Variants in SLC14A2 observed in about 807,000 individuals in gnomAD.
The protein encoded by SLC14A2 is urea transporter 2.
A neutral mutation model predicts 104.6 loss-of-function variants in SLC14A2; 91 were observed. The ratio of observed to expected loss-of-function variants is 0.87; its 90% CI spans 0.73 to 1.04. The LOEUF is 1.04. Ranked by LOEUF, SLC14A2 falls within the 50% of genes least tolerant of loss-of-function variation. The pLI is 0.00. For synonymous variants in SLC14A2, 476 were observed against 466.4 expected (o/e 1.02, Z -0.27); for missense variants, 1,189 against 1,156.0 (o/e 1.03, Z -0.41).
intron 1 of SLC14A2, among the ~76,000 whole-genome samples, chr18:45,297,278 G>A (rs1040242354): frequency 1.3e-5 from 2 of 152,186 alleles, no homozygotes; most frequent in African/African-American, 2.4e-5. Context: ...TTGATATGTT[G>A]TCTAATTCAG....
intron 1 of SLC14A2, among the ~76,000 whole-genome samples, chr18:45,359,514 G>C (rs1345266232): frequency 6.6e-6 from 1 of 152,160 alleles, no homozygotes; most frequent in Non-Finnish European, 1.5e-5. Flanking sequence ...GGCTCTCAAG[G>C]GCACACCTCT....
intron 1 of SLC14A2, among the ~76,000 whole-genome samples, chr18:45,239,083 T>C (rs1599602738): frequency 6.6e-6 from 1 of 152,288 alleles, no homozygotes; most frequent in East Asian, 1.9e-4. Flanking sequence ...CTACCGGGAA[T>C]GTTGGCCAAT....
rs547206990 is a variant in SLC14A2 at position 45,274,631 on chromosome 18, T to G, written c.-125+61440T>G. Among the ~76,000 whole-genome samples, 3 of 152,374 alleles carry G rather than the reference T, an allele frequency of 2.0e-5. No homozygotes were observed. In the East Asian group the frequency reaches 5.8e-4, roughly 29 times the overall value. On this transcript the variant is annotated intron_variant, in intron 1 of 20. Transcript: ENST00000586448. Reference sequence around the variant, plus strand: ...TTCTTACTTTCTCAAGGCAGGATACTGCCAGTCAACAGATGTCTGGGTTGG... The same window carrying G: ...TTCTTACTTTCTCAAGGCAGGATACGGCCAGTCAACAGATGTCTGGGTTGG...
chr18:45,404,592 A>C (rs779370849), intron 1 of SLC14A2, among the ~76,000 whole-genome samples: 1 of 152,184 alleles, frequency 6.6e-6, no homozygotes, highest in Non-Finnish European at 1.5e-5. Context: ...ACATCTTCCC[A>C]AGGCACATAC....
intron 2 of SLC14A2, among the ~76,000 whole-genome samples, chr18:45,495,726 A>T (rs186451377): frequency 5.3e-5 from 8 of 152,274 alleles, no homozygotes; most frequent in Admixed American, 5.2e-4. Flanking sequence ...TTCTCGAGGG[A>T]TTTAGGTCAC....
intron 1 of SLC14A2, among the ~76,000 whole-genome samples, chr18:45,306,638 C>G (rs930925677): frequency 6.6e-6 from 1 of 152,164 alleles, no homozygotes; most frequent in Non-Finnish European, 1.5e-5. Context: ...ATTTGGCCAA[C>G]GGTCATAGTC....
the SLC14A2 span, among the ~76,000 whole-genome samples, chr18:45,181,752 G>T: frequency 1.3e-5 from 2 of 152,034 alleles, no homozygotes; most frequent in Admixed American, 1.3e-4. Flanking sequence ...ACATCAAAAT[G>T]TATTTGAAAC....
At chr18:45,612,459 C>T (rs2044988395), upstream of SLC14A2, among the ~76,000 whole-genome samples, 1 of 152,230 alleles carries the variant, frequency 6.6e-6, no homozygotes, top group Admixed American at 6.5e-5. Flanking sequence ...GACACACCCA[C>T]ATGAATACAT....
chr18:45,530,890 C>G (rs1246625741), intron 2 of SLC14A2, among the ~76,000 whole-genome samples: 1 of 152,054 alleles, frequency 6.6e-6, no homozygotes, highest in Non-Finnish European at 1.5e-5. Flanking sequence ...TGATGTTCCC[C>G]TTCCTATGTC....
At chr18:45,413,982 A>C (rs1349678717) in intron 1 of SLC14A2, among the ~76,000 whole-genome samples, 1 of 152,234 alleles carries the variant, frequency 6.6e-6, no homozygotes, top group African/African-American at 2.4e-5. Flanking sequence ...GTGGAGGTCT[A>C]TATTTGAAGA....
chr18:45,590,984 T>C (rs1478826678), intron 2 of SLC14A2, among the ~76,000 whole-genome samples: 1 of 152,208 alleles, frequency 6.6e-6, no homozygotes, highest in Non-Finnish European at 1.5e-5. Flanking sequence ...AGCCAGTATG[T>C]GAACCTCAGC....
chr18:45,662,940 A>G (rs1309777588), intron 10 of SLC14A2, among the ~76,000 whole-genome samples: 3 of 152,040 alleles, frequency 2.0e-5, no homozygotes, highest in Admixed American at 1.3e-4. Flanking sequence ...AGATAATTCA[A>G]TGCTGTCAGT....
intron 5 of SLC14A2, chr18:45,634,887 T>C (rs1353007676): frequency 2.2e-6 from 1 of 456,896 alleles, no homozygotes; most frequent in East Asian, 6.9e-5. Context: ...TAATCCACAA[T>C]TGTCTGCTAC....
intron 1 of SLC14A2, among the ~76,000 whole-genome samples, chr18:45,282,908 T>C (rs985499191): frequency 3.3e-5 from 5 of 152,202 alleles, no homozygotes; most frequent in Non-Finnish European, 7.3e-5. Flanking sequence ...CCCTTTGTGA[T>C]TGTACTGAGT....
chr18:45,466,037 G>A (rs546442790), intron 1 of SLC14A2, among the ~76,000 whole-genome samples: 2 of 152,214 alleles, frequency 1.3e-5, no homozygotes, highest in African/African-American at 4.8e-5. Flanking sequence ...TATCAGCCAT[G>A]CCCCACAAGG....
intron 1 of SLC14A2, among the ~76,000 whole-genome samples, chr18:45,266,620 C>A (rs543984061): frequency 1.3e-5 from 2 of 152,220 alleles, no homozygotes; most frequent in South Asian, 4.1e-4. Flanking sequence ...CTTTTATGGC[C>A]ATAATGCTGT....
intron 2 of SLC14A2, among the ~76,000 whole-genome samples, chr18:45,575,001 C>T (rs1288761223): frequency 6.6e-6 from 1 of 152,216 alleles, no homozygotes; most frequent in Non-Finnish European, 1.5e-5. Context: ...CAAGGAGGAG[C>T]TCTGTCCACA....
intron 1 of SLC14A2, among the ~76,000 whole-genome samples, chr18:45,417,141 C>T (rs1474895822): frequency 6.6e-6 from 1 of 152,226 alleles, no homozygotes; most frequent in Non-Finnish European, 1.5e-5. Context: ...TATTTATCAG[C>T]AGAGAGGTTT....
At chr18:45,385,453 A>G (rs187373851) in intron 1 of SLC14A2, among the ~76,000 whole-genome samples, 173 of 152,324 alleles carry the variant, frequency 1.1e-3, no homozygotes, top group African/African-American at 3.8e-3. Flanking sequence ...AGTAGAACTG[A>G]GCAGAGGAGA....
Sources: gnomAD v4.1 joint callset for allele counts (sites outside exome capture counted in the v4.1 genomes callset) on GRCh38, gnomAD v4.1.1 for gene constraint, MANE v1.5 for transcripts, NCBI Gene and HGNC (gene_info 2026-07-23, HGNC 2026-07-21) for gene names.